The following CEP112 variants were observed in gnomAD, a reference collection of about 807,000 sequenced individuals.
CEP112 encodes the protein centrosomal protein 112.
In CEP112, 127 loss-of-function variants were observed where a neutral mutation model predicts 153.0. That is an observed-to-expected ratio of 0.83 (90% CI 0.72 to 0.96). CEP112 has a LOEUF of 0.96. Among genes scored for constraint, CEP112 ranks in the 40% least tolerant of loss-of-function variants. CEP112 has a pLI of 0.00. For synonymous variants in CEP112, 358 were observed against 374.4 expected (o/e 0.96, Z 0.51); for missense variants, 1,089 against 1,101.2 (o/e 0.99, Z 0.16).
chr17:65,931,981 C>G (rs1184938851), intron 18 of CEP112, among the ~76,000 whole-genome samples: 1 of 152,162 alleles, frequency 6.6e-6, no homozygotes, highest in East Asian at 1.9e-4. Context: ...CAGCCCTGTC[C>G]AACTACAGAT....
rs545616065 is a variant in CEP112 at position 65,911,369 on chromosome 17, G to C, written c.1981-9035C>G. Reference sequence around the variant, plus strand: ...AATAGACTGGTATAAGTAGGTGGAAGGAAATATGGGCAGTTTAATTTTTCT... The same window carrying C: ...AATAGACTGGTATAAGTAGGTGGAACGAAATATGGGCAGTTTAATTTTTCT... On this transcript the variant is annotated intron_variant, in intron 19 of 26. Coordinates refer to ENST00000535342, the MANE Select transcript of CEP112 (RefSeq NM_001199165.4). 5.9e-5 allele frequency among the ~76,000 whole-genome samples: 9 copies of C among 152,240 alleles called. No individual in the cohort carries two copies. The East Asian group carries it at 1.7e-3, about 29-fold the overall frequency.
intron 17 of CEP112, among the ~76,000 whole-genome samples, chr17:65,991,621 A>C (rs1418988541): frequency 6.6e-6 from 1 of 152,160 alleles, no homozygotes; most frequent in African/African-American, 2.4e-5. Flanking sequence ...AAACAGAATA[A>C]AATTTCTTAT....
chr17:65,949,358 T>C (rs1291306647), intron 18 of CEP112, among the ~76,000 whole-genome samples: 2 of 152,208 alleles, frequency 1.3e-5, no homozygotes, highest in African/African-American at 4.8e-5. Context: ...GTGAAGAATA[T>C]TTCTTCAACA....
intron 1 of CEP112, among the ~76,000 whole-genome samples, chr17:66,185,967 T>C (rs1245019262): frequency 6.6e-6 from 1 of 152,222 alleles, no homozygotes; most frequent in Non-Finnish European, 1.5e-5. Flanking sequence ...TTTTACTTGC[T>C]GACTTTACTT....
chr17:66,128,600 T>C (rs1598404702), intron 6 of CEP112, among the ~76,000 whole-genome samples: 1 of 152,300 alleles, frequency 6.6e-6, no homozygotes, highest in South Asian at 2.1e-4. Context: ...ATGAACCTTC[T>C]GGAAGACAAT....
intron 21 of CEP112, among the ~76,000 whole-genome samples, chr17:65,768,113 C>A (rs1360894904): frequency 1.3e-5 from 2 of 152,040 alleles, no homozygotes; most frequent in African/African-American, 4.8e-5. Context: ...CTACTAATAG[C>A]CAACTGTTGA....
chr17:66,145,345 T>C (rs943272698), intron 4 of CEP112, among the ~76,000 whole-genome samples: 2 of 152,188 alleles, frequency 1.3e-5, no homozygotes, highest in African/African-American at 4.8e-5. Context: ...TGCCAGGTAA[T>C]TTTCCAAATG....
chr17:66,083,283 G>C (rs534073063), intron 8 of CEP112, among the ~76,000 whole-genome samples: 1 of 152,256 alleles, frequency 6.6e-6, no homozygotes, highest in African/African-American at 2.4e-5. Flanking sequence ...CTGCCACCAT[G>C]TAAGATGTGC....
At chr17:66,169,190 G>A (rs2072130034) in intron 4 of CEP112, among the ~76,000 whole-genome samples, 2 of 151,554 alleles carry the variant, frequency 1.3e-5, no homozygotes, top group South Asian at 4.2e-4. Flanking sequence ...TAATTTAGAA[G>A]TCCACATGAT....
chr17:65,899,913 G>T (rs1415252971), intron 20 of CEP112, among the ~76,000 whole-genome samples: 2 of 152,072 alleles, frequency 1.3e-5, no homozygotes, highest in African/African-American at 4.8e-5. Context: ...ACAGTGATTT[G>T]AAAAAGATCT....
chr17:65,650,114 C>T (rs2045664811), intron 24 of CEP112, among the ~76,000 whole-genome samples: 1 of 152,236 alleles, frequency 6.6e-6, no homozygotes. Flanking sequence ...CACCAATGCC[C>T]TGTGCTTTTT....
chr17:66,054,186 T>C (rs1245651592), intron 11 of CEP112, among the ~76,000 whole-genome samples: 1 of 152,082 alleles, frequency 6.6e-6, no homozygotes, highest in African/African-American at 2.4e-5. Flanking sequence ...AAGTGAACAT[T>C]ACTAGTATTA....
At chr17:65,798,333 A>G (rs866026783) in intron 21 of CEP112, among the ~76,000 whole-genome samples, 1 of 152,134 alleles carries the variant, frequency 6.6e-6, no homozygotes, top group South Asian at 2.1e-4. Context: ...TCTTTATCTG[A>G]ATTAGTGTAT....
At chr17:66,028,269 CTG>C (rs750439422) in intron 15 of CEP112, 42 bp downstream of exon 15, 36 of 1,184,526 alleles carry the variant, frequency 3.0e-5, no homozygotes, top group Non-Finnish European at 4.3e-5. Context: ...ATCAAGAAAA[CTG>C]TGTTTGACCA....
At chr17:65,865,693 G>A (rs1428235738) in intron 20 of CEP112, among the ~76,000 whole-genome samples, 1 of 152,224 alleles carries the variant, frequency 6.6e-6, no homozygotes, top group African/African-American at 2.4e-5. Flanking sequence ...GGGCAGGGTT[G>A]GCTGGGGTTG....
chr17:65,862,115 G>C (rs1333590746), intron 20 of CEP112, among the ~76,000 whole-genome samples: 2 of 152,056 alleles, frequency 1.3e-5, no homozygotes, highest in Non-Finnish European at 2.9e-5. Flanking sequence ...TTTTTACAAA[G>C]TTCAAAAACA....
intron 1 of CEP112, among the ~76,000 whole-genome samples, chr17:66,190,822 A>G (rs2073136727): frequency 6.6e-6 from 1 of 152,224 alleles, no homozygotes; most frequent in Non-Finnish European, 1.5e-5. Flanking sequence ...TGGGAAAAAA[A>G]GGAGTCACAA....
At chr17:65,912,935 T>C (rs1468332156) in intron 19 of CEP112, among the ~76,000 whole-genome samples, 1 of 152,204 alleles carries the variant, frequency 6.6e-6, no homozygotes, top group Non-Finnish European at 1.5e-5. Context: ...GCAAAAGTAA[T>C]TGTGGAAGTA....
intron 4 of CEP112, among the ~76,000 whole-genome samples, chr17:66,134,427 T>A (rs2146560897): frequency 6.6e-6 from 1 of 152,256 alleles, no homozygotes. Context: ...ATAACTAAGG[T>A]CATCAACAGT....
Sources: allele counts gnomAD v4.1 joint callset (sites outside exome capture counted in the v4.1 genomes callset), GRCh38; gene constraint gnomAD v4.1.1; transcripts MANE v1.5; gene names NCBI Gene and HGNC (gene_info 2026-07-23, HGNC 2026-07-21).